PRMT3: variants seen among roughly 807,000 people sequenced by gnomAD.
PRMT3 encodes the protein protein arginine N-methyltransferase 3.
A neutral mutation model predicts 71.9 loss-of-function variants in PRMT3; 62 were observed. That is an observed-to-expected ratio of 0.86 (90% CI 0.70 to 1.07). PRMT3 has a LOEUF of 1.07. Ranked by LOEUF, PRMT3 falls within the 50% of genes least tolerant of loss-of-function variation. PRMT3 has a pLI of 0.00. For missense variants in PRMT3, 663 were observed against 643.0 expected, an observed-to-expected ratio of 1.03 and a Z score of -0.34; for synonymous variants, 213 against 220.4, an observed-to-expected ratio of 0.97 and a Z score of 0.30.
chr11:20,391,978 C>T (rs975420463), intron 3 of PRMT3, among the ~76,000 whole-genome samples: 25 of 152,082 alleles, frequency 1.6e-4, no homozygotes, highest in Non-Finnish European at 2.6e-4. Flanking sequence ...ATCAGTTTTC[C>T]ATCTTTTTAG....
chr11:20,464,656 G>C, intron 13 of PRMT3, 110 bp downstream of exon 13: 1 of 1,492,004 alleles, frequency 6.7e-7, no homozygotes, highest in Non-Finnish European at 8.9e-7. Flanking sequence ...TATTGCCTCT[G>C]ACAGTCTACC....
At position 20,507,050 on chromosome 11, in the gene PRMT3, G is replaced by A. The variant is rs79360570; in HGVS notation, c.1487-1254G>A. 4.1e-4 allele frequency among the ~76,000 whole-genome samples: 63 copies of A among 152,234 alleles called. No homozygotes were observed. The East Asian group carries it at 0.012, about 28-fold the overall frequency. ...TGTCATGTGCCTCTACATTTTCCCA[G>A]CTATAATTTTCAGTTCCTCAAAATG... On this transcript the variant is annotated intron_variant, in intron 15 of 15. Transcript: ENST00000331079.
chr11:20,442,661 T>A (rs1849935327), intron 10 of PRMT3, among the ~76,000 whole-genome samples: 1 of 152,172 alleles, frequency 6.6e-6, no homozygotes, highest in African/African-American at 2.4e-5. Context: ...ACACCAACTT[T>A]CCTAGACAGG....
intron 13 of PRMT3, among the ~76,000 whole-genome samples, chr11:20,471,937 C>T (rs1252755321): frequency 6.6e-6 from 1 of 151,640 alleles, no homozygotes; most frequent in Non-Finnish European, 1.5e-5. Context: ...AGCAGTATTC[C>T]TAGGTATTTT....
At chr11:20,499,432 G>A (rs1399163193) in intron 15 of PRMT3, among the ~76,000 whole-genome samples, 1 of 152,042 alleles carries the variant, frequency 6.6e-6, no homozygotes, top group Admixed American at 6.6e-5. Flanking sequence ...ACCAGCCTGG[G>A]GAACAAAGCA....
chr11:20,423,579 G>A (rs1318435127), intron 9 of PRMT3, among the ~76,000 whole-genome samples: 1 of 152,072 alleles, frequency 6.6e-6, no homozygotes, highest in Non-Finnish European at 1.5e-5. Context: ...CTAGTTCATT[G>A]GTGATATTCT....
intron 10 of PRMT3, among the ~76,000 whole-genome samples, chr11:20,431,358 A>G (rs1849651478): frequency 6.6e-6 from 1 of 152,080 alleles, no homozygotes; most frequent in African/African-American, 2.4e-5. Flanking sequence ...AGTATTACCT[A>G]CTTCATAAGG....
chr11:20,427,719 C>G (rs1849577794), intron 10 of PRMT3, among the ~76,000 whole-genome samples: 1 of 151,648 alleles, frequency 6.6e-6, no homozygotes, highest in South Asian at 2.1e-4. Flanking sequence ...GAGCGAGACT[C>G]CACCTCGAAA....
At chr11:20,425,098 C>G (rs576319627) in intron 9 of PRMT3, among the ~76,000 whole-genome samples, 14 of 149,080 alleles carry the variant, frequency 9.4e-5, no homozygotes, top group African/African-American at 3.0e-4. Flanking sequence ...AGAGTGAGAC[C>G]CTGTCTTTAA....
intron 5 of PRMT3, among the ~76,000 whole-genome samples, chr11:20,394,111 C>T (rs905306191): frequency 6.6e-6 from 1 of 152,158 alleles, no homozygotes; most frequent in African/African-American, 2.4e-5. Flanking sequence ...ATTCCAAGGA[C>T]GTGTCTTCAC....
chr11:20,403,377 G>A (rs1051671674), intron 8 of PRMT3, among the ~76,000 whole-genome samples: 2 of 152,062 alleles, frequency 1.3e-5, no homozygotes, highest in South Asian at 2.1e-4. Flanking sequence ...AAGTAATTGA[G>A]AATTAATGAG....
intron 10 of PRMT3, among the ~76,000 whole-genome samples, chr11:20,441,295 A>G (rs958626892): frequency 6.8e-6 from 1 of 147,518 alleles, no homozygotes; most frequent in Non-Finnish European, 1.5e-5. Context: ...TTATTTATTT[A>G]TTTATTTATT....
intron 11 of PRMT3, among the ~76,000 whole-genome samples, chr11:20,454,387 A>G (rs900372335): frequency 1.3e-5 from 2 of 152,204 alleles, no homozygotes; most frequent in Admixed American, 6.5e-5. Flanking sequence ...ACTTACAGCA[A>G]TGTGAACAAT....
At chr11:20,450,496 T>A (rs939102643) in intron 10 of PRMT3, among the ~76,000 whole-genome samples, 8 of 152,310 alleles carry the variant, frequency 5.3e-5, no homozygotes, top group Non-Finnish European at 1.0e-4. Context: ...GGGAACTAAC[T>A]TGTAAGAATT....
intron 2 of PRMT3, 67 bp from the exon 3 acceptor site, chr11:20,389,677 G>T: frequency 1.0e-5 from 11 of 1,071,300 alleles, no homozygotes; most frequent in Admixed American, 4.3e-5. Context: ...AAGTGTATAT[G>T]TAACATGAAA....
chr11:20,445,901 T>G (rs1850016588), intron 10 of PRMT3, among the ~76,000 whole-genome samples: 1 of 152,170 alleles, frequency 6.6e-6, no homozygotes, highest in Non-Finnish European at 1.5e-5. Flanking sequence ...ATATTGCCTA[T>G]AAGGATAATT....
intron 15 of PRMT3, among the ~76,000 whole-genome samples, chr11:20,495,587 C>T (rs1851313409): frequency 6.6e-6 from 1 of 152,104 alleles, no homozygotes; most frequent in Non-Finnish European, 1.5e-5. Flanking sequence ...CCCTGCCTAT[C>T]CAAATCTTAT....
chr11:20,435,146 A>G (rs944401275), intron 10 of PRMT3, among the ~76,000 whole-genome samples: 10 of 152,110 alleles, frequency 6.6e-5, no homozygotes, highest in African/African-American at 2.2e-4. Context: ...CGTTTCCCCT[A>G]TGTTTTCTTC....
At chr11:20,440,081 A>G (rs1343797983) in intron 10 of PRMT3, among the ~76,000 whole-genome samples, 2 of 152,246 alleles carry the variant, frequency 1.3e-5, no homozygotes, top group South Asian at 2.1e-4. Flanking sequence ...ATAGAAAATG[A>G]AGAAATCAGT....
Sources: allele counts gnomAD v4.1 joint callset (sites outside exome capture counted in the v4.1 genomes callset), GRCh38; gene constraint gnomAD v4.1.1; transcripts MANE v1.5; gene names NCBI Gene and HGNC (gene_info 2026-07-23, HGNC 2026-07-21).